TRDN: variants seen among roughly 807,000 people sequenced by gnomAD.
TRDN encodes triadin in skeletal muscle.
A neutral mutation model predicts 149.7 loss-of-function variants in TRDN; 161 were observed. The observed-to-expected ratio is 1.08, with a 90% CI of 0.95 to 1.23. TRDN has a LOEUF of 1.23. Ranked by LOEUF, TRDN falls within the 50% of genes most tolerant of loss-of-function variation. The pLI is 0.00. For synonymous variants in TRDN, 294 were observed against 250.5 expected (o/e 1.17, Z -1.64); for missense variants, 896 against 823.5 (o/e 1.09, Z -1.08).
chr6:123,437,976 G>T, intron 12 of TRDN, 87 bp downstream of exon 12: 1 of 1,158,092 alleles, frequency 8.6e-7, no homozygotes. Flanking sequence ...GTAACTGTGT[G>T]CAATTTGTGT....
chr6:123,518,804 G>A (rs946848303), intron 5 of TRDN, among the ~76,000 whole-genome samples: 1 of 152,114 alleles, frequency 6.6e-6, no homozygotes, highest in Non-Finnish European at 1.5e-5. Flanking sequence ...GGACCCTTGG[G>A]CCCTAGGGAG....
intron 9 of TRDN, among the ~76,000 whole-genome samples, chr6:123,494,980 C>A (rs184031368): frequency 1.3e-5 from 2 of 151,836 alleles, no homozygotes; most frequent in Admixed American, 1.3e-4. Context: ...GTGATCCGCC[C>A]GCCTCAGCCT....
chr6:123,607,375 A>G, intron 1 of TRDN, among the ~76,000 whole-genome samples: 1 of 152,336 alleles, frequency 6.6e-6, no homozygotes, highest in South Asian at 2.1e-4. Flanking sequence ...ATGTTGATAT[A>G]TGCCTATGAA....
Position 123,274,560 on chromosome 6 carries a change from T to A in TRDN, c.1597+81A>T, listed in dbSNP as rs1777308289. On this transcript the variant is annotated intron_variant, in intron 27 of 40. Coordinates refer to ENST00000334268, the MANE Select transcript of TRDN (RefSeq NM_006073.4). Reference sequence around the variant, plus strand: ...GGAGACTATGTGCATGTCTCCCTAGTGAGATGTAAGCCTCTTTTAGTACTT... The same window carrying A: ...GGAGACTATGTGCATGTCTCCCTAGAGAGATGTAAGCCTCTTTTAGTACTT... 2.4e-6 allele frequency: 3 copies of A among 1,264,430 alleles called. No individual in the cohort carries two copies. In the East Asian group the frequency reaches 7.3e-5, roughly 31 times the overall value. 78.3% of individuals were successfully genotyped at this position (1,264,430 alleles called of 1,614,324 possible). A position where few individuals can be genotyped will look rare whatever the true frequency, so the allele number is the denominator to read the frequency against.
intron 24 of TRDN, among the ~76,000 whole-genome samples, chr6:123,312,114 G>T (rs1166969353): frequency 6.6e-6 from 1 of 151,938 alleles, no homozygotes; most frequent in African/African-American, 2.4e-5. Context: ...ACTCAAGACT[G>T]CTTTAACTTA....
chr6:123,319,472 T>C (rs1413002499), intron 23 of TRDN, among the ~76,000 whole-genome samples: 3 of 152,030 alleles, frequency 2.0e-5, no homozygotes, highest in African/African-American at 7.2e-5. Flanking sequence ...TATATATATT[T>C]ACATATGTGT....
intron 7 of TRDN, among the ~76,000 whole-genome samples, chr6:123,506,767 T>G (rs1423986836): frequency 6.6e-6 from 1 of 151,996 alleles, no homozygotes; most frequent in Non-Finnish European, 1.5e-5. Context: ...GGGATTAAAT[T>G]TCTTCATGGT....
chr6:123,414,257 GA>G (rs1440524483), intron 12 of TRDN, among the ~76,000 whole-genome samples: 1 of 151,894 alleles, frequency 6.6e-6, no homozygotes, highest in East Asian at 1.9e-4. Context: ...TTTCTATTGA[GA>G]TTTTTTTAAA....
At chr6:123,432,554 G>T (rs544279223) in intron 12 of TRDN, among the ~76,000 whole-genome samples, 1 of 151,754 alleles carries the variant, frequency 6.6e-6, no homozygotes, top group Non-Finnish European at 1.5e-5. Flanking sequence ...TTCTGTTTAT[G>T]TACATCGGGC....
At chr6:123,480,183 G>A (rs1777679777) in intron 9 of TRDN, among the ~76,000 whole-genome samples, 1 of 143,810 alleles carries the variant, frequency 7.0e-6, no homozygotes, top group African/African-American at 2.6e-5. Context: ...TGTATAAATT[G>A]TTTAGGTCCA....
chr6:123,632,544 T>C (rs1321821320), intron 1 of TRDN, among the ~76,000 whole-genome samples: 2 of 152,244 alleles, frequency 1.3e-5, no homozygotes, highest in Non-Finnish European at 2.9e-5. Context: ...ATCGTGGTAC[T>C]CCTCTTTTGA....
intron 2 of TRDN, among the ~76,000 whole-genome samples, chr6:123,551,203 G>C (rs1465088510): frequency 8.5e-6 from 1 of 118,024 alleles, no homozygotes; most frequent in African/African-American, 3.3e-5. Flanking sequence ...GTATTTTGCA[G>C]ATATATATAT....
chr6:123,497,214 C>G lies in TRDN; in HGVS notation c.832G>C (p.Val278Leu). The G allele has an allele frequency of 6.4e-7, 1 of 1,558,046 alleles. No homozygotes were observed. Among genetic ancestry groups the G allele is most frequent in the Non-Finnish European group, 8.7e-7 (1 of 1,152,956 alleles). The change falls in exon 9 of 41, where the codon GTC (valine) becomes CTC (leucine). Residue 278 changes from valine to leucine, a missense_variant. By Grantham distance (32) the Val-to-Leu change is conservative. Transcript: ENST00000334268. Reference protein sequence around the residue: ...AFCRYMIDIFVHGDLKPGQSP... With the variant: ...AFCRYMIDIFLHGDLKPGQSP... ...ATACCTGGTTTTAAATCCCCATGGA[C>G]AAATATGTCAATCATATATCGACAG...
chr6:123,471,265 G>C (rs1777133603), intron 9 of TRDN: 1 of 152,160 alleles, frequency 6.6e-6, no homozygotes, highest in South Asian at 2.1e-4. Flanking sequence ...GAACAAACAA[G>C]TACAGTGCCA....
chr6:123,480,276 C>G (rs913245214), intron 9 of TRDN, among the ~76,000 whole-genome samples: 7 of 148,940 alleles, frequency 4.7e-5, no homozygotes, highest in African/African-American at 1.7e-4. Flanking sequence ...GAATGACTTT[C>G]AAGAAAAAAC....
chr6:123,317,862 G>T (rs1779086750), intron 23 of TRDN, among the ~76,000 whole-genome samples: 1 of 151,930 alleles, frequency 6.6e-6, no homozygotes. Flanking sequence ...GCTCCCTGTT[G>T]GGTATCTGAA....
chr6:123,388,566 A>G lies in TRDN; in HGVS notation c.1106-15T>C, dbSNP rs2114443769. 1 of 1,579,364 alleles carries G rather than the reference A, an allele frequency of 6.3e-7. No individual in the cohort carries two copies. Among genetic ancestry groups the G allele is most frequent in the East Asian group, 2.3e-5 (1 of 43,852 alleles). The stretch of plus-strand genomic sequence containing the variant: ...CTTAGCTGCTGCTGAAGTAATGAAA[A>G]TAGCGTTAAGGCATATGAAATGACC... On this transcript the variant is annotated splice_polypyrimidine_tract_variant and intron_variant, in intron 13 of 40. Coordinates refer to ENST00000334268, the MANE Select transcript of TRDN (RefSeq NM_006073.4).
intron 24 of TRDN, among the ~76,000 whole-genome samples, chr6:123,287,205 A>T (rs1777833190): frequency 6.6e-6 from 1 of 152,154 alleles, no homozygotes; most frequent in Admixed American, 6.6e-5. Context: ...TACTGGACCC[A>T]TTTCAAATCT....
intron 1 of TRDN, among the ~76,000 whole-genome samples, chr6:123,632,994 A>G (rs909604180): frequency 6.6e-6 from 1 of 152,028 alleles, no homozygotes; most frequent in African/African-American, 2.4e-5. Flanking sequence ...TGATTGTTAC[A>G]GAAGCAGTGA....
Sources: gnomAD v4.1 joint callset for allele counts (sites outside exome capture counted in the v4.1 genomes callset) on GRCh38, gnomAD v4.1.1 for gene constraint, MANE v1.5 for transcripts, NCBI Gene and HGNC (gene_info 2026-07-23, HGNC 2026-07-21) for gene names.